The following GRXCR1 variants were observed in gnomAD, a reference collection of about 807,000 sequenced individuals.
GRXCR1 encodes glutaredoxin and cysteine rich domain containing 1, also known as glutaredoxin domain-containing cysteine-rich protein 1.
A neutral mutation model predicts 27.3 loss-of-function variants in GRXCR1; 27 were observed. That is an observed-to-expected ratio of 0.99 (90% CI 0.73 to 1.37). The LOEUF (loss-of-function observed/expected upper bound fraction) is 1.37, where lower values mean the gene tolerates loss of function less well. Ranked by LOEUF, GRXCR1 falls within the 40% of genes most tolerant of loss-of-function variation. The pLI is 0.00. For missense variants in GRXCR1, 379 were observed against 354.4 expected, an observed-to-expected ratio of 1.07 and a Z score of -0.56; for synonymous variants, 122 against 131.1, an observed-to-expected ratio of 0.93 and a Z score of 0.47.
At chr4:42,951,310 T>A (rs1747877469) in intron 1 of GRXCR1, among the ~76,000 whole-genome samples, 1 of 152,140 alleles carries the variant, frequency 6.6e-6, no homozygotes, top group African/African-American at 2.4e-5. Context: ...CAAATGCTCA[T>A]CTCTTCCAGA....
At chr4:42,894,328 A>G (rs951303057) in intron 1 of GRXCR1, among the ~76,000 whole-genome samples, 1 of 152,098 alleles carries the variant, frequency 6.6e-6, no homozygotes, top group African/African-American at 2.4e-5. Context: ...ATAGAAATAT[A>G]TTATTCAGGT....
intron 2 of GRXCR1, among the ~76,000 whole-genome samples, chr4:42,994,700 C>G (rs891881430): frequency 6.6e-6 from 1 of 151,922 alleles, no homozygotes; most frequent in Non-Finnish European, 1.5e-5. Flanking sequence ...GTACCTTTAC[C>G]CAAACTAGAG....
At chr4:42,963,166 T>C (rs1288575610) in intron 2 of GRXCR1, 32 bp downstream of exon 2, 6 of 1,608,766 alleles carry the variant, frequency 3.7e-6, no homozygotes, top group Non-Finnish European at 5.1e-6. Flanking sequence ...GTCTTTTTCA[T>C]AGAACCCAAC....
Position 42,903,294 on chromosome 4 carries a change from C to T in GRXCR1, c.384+9644C>T, listed in dbSNP as rs946054284. Among the ~76,000 whole-genome samples, 10 of 141,386 alleles carry T rather than the reference C, an allele frequency of 7.1e-5. 2 individuals are homozygous for T. In the East Asian group the frequency reaches 1.7e-3, roughly 25 times the overall value. The allele number at this position is 141,386 out of a possible 152,430, so 92.8% of individuals were successfully genotyped here. On this transcript the variant is annotated intron_variant, in intron 1 of 3. Coordinates refer to ENST00000399770, the MANE Select transcript of GRXCR1 (RefSeq NM_001080476.3). ...CAGAAAACCAAATAAAAAATTTGGG[C>T]CACAGCTTTGTAGATTTTTTTTTTT...
intron 2 of GRXCR1, among the ~76,000 whole-genome samples, chr4:43,010,823 T>C (rs1712727371): frequency 6.6e-6 from 1 of 152,222 alleles, no homozygotes; most frequent in South Asian, 2.1e-4. Context: ...TCCACTAGTC[T>C]TTTAAAAACA....
At chr4:43,005,095 A>G (rs566434292) in intron 2 of GRXCR1, among the ~76,000 whole-genome samples, 41 of 152,220 alleles carry the variant, frequency 2.7e-4, no homozygotes, top group African/African-American at 9.9e-4. Context: ...CATGATAGTG[A>G]GTGAGTTCTC....
intron 2 of GRXCR1, among the ~76,000 whole-genome samples, chr4:43,004,450 AC>A (rs1712485554): frequency 6.6e-6 from 1 of 152,132 alleles, no homozygotes; most frequent in African/African-American, 2.4e-5. Context: ...CATCTTCCAG[AC>A]CTCAAAATGG....
chr4:42,919,355 T>TC (rs1746956150), intron 1 of GRXCR1, among the ~76,000 whole-genome samples: 1 of 152,174 alleles, frequency 6.6e-6, no homozygotes, highest in Non-Finnish European at 1.5e-5. Flanking sequence ...GTCCTTCATG[T>TC]GTACATTGCT....
intron 2 of GRXCR1, among the ~76,000 whole-genome samples, chr4:42,991,258 A>G (rs1021747036): frequency 6.6e-6 from 1 of 152,078 alleles, no homozygotes; most frequent in African/African-American, 2.4e-5. Context: ...AAACAAAAAC[A>G]TAATTGGATT....
At chr4:42,966,901 T>C (rs998031706) in intron 2 of GRXCR1, among the ~76,000 whole-genome samples, 1 of 152,118 alleles carries the variant, frequency 6.6e-6, no homozygotes, top group Non-Finnish European at 1.5e-5. Context: ...TTTGTTTTCT[T>C]ATTGTTGAGG....
At chr4:42,993,216 G>T (rs1712030495) in intron 2 of GRXCR1, among the ~76,000 whole-genome samples, 1 of 152,070 alleles carries the variant, frequency 6.6e-6, no homozygotes, top group African/African-American at 2.4e-5. Flanking sequence ...TTCCTGGCCA[G>T]ATGGGAGTTA....
intron 2 of GRXCR1, among the ~76,000 whole-genome samples, chr4:43,008,458 G>A (rs1386342649): frequency 6.6e-6 from 1 of 152,188 alleles, no homozygotes; most frequent in Non-Finnish European, 1.5e-5. Context: ...TCCTGGAAGT[G>A]TCTATGAGGC....
chr4:43,027,160 A>G (rs1713281716), intron 3 of GRXCR1, among the ~76,000 whole-genome samples: 1 of 152,220 alleles, frequency 6.6e-6, no homozygotes, highest in South Asian at 2.1e-4. Flanking sequence ...ATAATGGCTA[A>G]TAATAACTAA....
chr4:43,012,869 C>T (rs896923142), intron 2 of GRXCR1, among the ~76,000 whole-genome samples: 4 of 151,922 alleles, frequency 2.6e-5, no homozygotes, highest in Non-Finnish European at 5.9e-5. Flanking sequence ...CAAATAATCC[C>T]GTTAAAAATG....
At chr4:42,940,631 A>G (rs1747596130) in intron 1 of GRXCR1, among the ~76,000 whole-genome samples, 1 of 152,116 alleles carries the variant, frequency 6.6e-6, no homozygotes. Flanking sequence ...TCAAGGAATA[A>G]TATTAGTTGG....
intron 1 of GRXCR1, among the ~76,000 whole-genome samples, chr4:42,901,218 C>T (rs893861400): frequency 1.3e-5 from 2 of 152,172 alleles, no homozygotes; most frequent in African/African-American, 2.4e-5. Context: ...TTACTACTCA[C>T]CCGGTGTATT....
At chr4:43,009,897 A>G (rs1488954621) in intron 2 of GRXCR1, among the ~76,000 whole-genome samples, 1 of 152,150 alleles carries the variant, frequency 6.6e-6, no homozygotes, top group African/African-American at 2.4e-5. Flanking sequence ...GTGCCTATAT[A>G]TCATCCATAT....
intron 1 of GRXCR1, among the ~76,000 whole-genome samples, chr4:42,927,384 C>T (rs764906956): frequency 6.6e-6 from 1 of 151,974 alleles, no homozygotes; most frequent in Non-Finnish European, 1.5e-5. Flanking sequence ...TACGCCCCTG[C>T]TACAATGATG....
At chr4:42,923,755 T>C (rs754245677) in intron 1 of GRXCR1, among the ~76,000 whole-genome samples, 2 of 152,094 alleles carry the variant, frequency 1.3e-5, no homozygotes, top group African/African-American at 4.8e-5. Context: ...ATGCCTCTTT[T>C]TTTTTGCTTC....
Sources: allele counts gnomAD v4.1 joint callset (sites outside exome capture counted in the v4.1 genomes callset), GRCh38; gene constraint gnomAD v4.1.1; transcripts MANE v1.5; gene names NCBI Gene and HGNC (gene_info 2026-07-23, HGNC 2026-07-21).